Variants in MYO1D observed in about 807,000 individuals in gnomAD.
MYO1D encodes the protein unconventional myosin-Id.
In MYO1D, 83 loss-of-function variants were observed where a neutral mutation model predicts 122.0. The ratio of observed to expected loss-of-function variants is 0.68; its 90% confidence interval spans 0.57 to 0.82. MYO1D has a LOEUF of 0.82. MYO1D is among the 40% of genes least tolerant of loss of function. The pLI is 0.00. For synonymous variants in MYO1D, 464 were observed against 446.9 expected (o/e 1.04, Z -0.48); for missense variants, 1,157 against 1,269.5 (o/e 0.91, Z 1.35).
At chr17:32,801,181 TTTAC>T (rs1344979638) in intron 1 of MYO1D, among the ~76,000 whole-genome samples, 1 of 152,204 alleles carries the variant, frequency 6.6e-6, no homozygotes, top group African/African-American at 2.4e-5. Context: ...TTTACAAATC[TTTAC>T]TTAAACAAGT....
intron 21 of MYO1D, among the ~76,000 whole-genome samples, chr17:32,603,800 C>T (rs1234266450): frequency 6.6e-6 from 1 of 152,158 alleles, no homozygotes; most frequent in Non-Finnish European, 1.5e-5. Context: ...GCTGGGATTA[C>T]AGGCGTGAGC....
intron 21 of MYO1D, among the ~76,000 whole-genome samples, chr17:32,571,858 C>T (rs1252605915): frequency 2.6e-5 from 4 of 152,138 alleles, no homozygotes; most frequent in Admixed American, 6.5e-5. Context: ...GCAACAGTCC[C>T]TTAACCCACT....
intron 21 of MYO1D, among the ~76,000 whole-genome samples, chr17:32,557,705 G>A (rs562280093): frequency 6.6e-6 from 1 of 152,026 alleles, no homozygotes; most frequent in Admixed American, 6.5e-5. Flanking sequence ...GTTTCGCTCA[G>A]CAAAGTCTTT....
At chr17:32,557,623 A>T (rs1597896364) in intron 21 of MYO1D, among the ~76,000 whole-genome samples, 1 of 149,670 alleles carries the variant, frequency 6.7e-6, no homozygotes, top group Admixed American at 6.7e-5. Context: ...ACCCACCCTC[A>T]CCCCCATCCA....
intron 16 of MYO1D, among the ~76,000 whole-genome samples, chr17:32,697,965 C>T (rs1001591865): frequency 1.3e-5 from 2 of 152,174 alleles, no homozygotes; most frequent in African/African-American, 4.8e-5. Context: ...CACTATGGTA[C>T]AAAAGTGTAC....
intron 14 of MYO1D, among the ~76,000 whole-genome samples, chr17:32,726,261 A>G (rs980387597): frequency 6.6e-6 from 1 of 152,048 alleles, no homozygotes; most frequent in Admixed American, 6.6e-5. Flanking sequence ...TCTACCAAAA[A>G]ATACAAAAAT....
chr17:32,755,443 A>G (rs764610662), intron 11 of MYO1D, 49 bp downstream of exon 11: 39 of 1,569,918 alleles, frequency 2.5e-5, no homozygotes, highest in Non-Finnish European at 3.3e-5. Context: ...ATCAAACAAT[A>G]AGGAGAACCT....
chr17:32,683,558 G>A (rs2088956594), intron 16 of MYO1D, among the ~76,000 whole-genome samples: 1 of 152,026 alleles, frequency 6.6e-6, no homozygotes, highest in African/African-American at 2.4e-5. Context: ...CAGTTAGGCT[G>A]CTCGGGGGTC....
At chr17:32,552,022 G>T (rs758004540) in intron 21 of MYO1D, among the ~76,000 whole-genome samples, 1 of 152,202 alleles carries the variant, frequency 6.6e-6, no homozygotes, top group Non-Finnish European at 1.5e-5. Flanking sequence ...ACTATCCATA[G>T]CTAATGTCTT....
intron 20 of MYO1D, among the ~76,000 whole-genome samples, chr17:32,637,521 A>G (rs2088120154): frequency 6.6e-6 from 1 of 152,042 alleles, no homozygotes; most frequent in South Asian, 2.1e-4. Flanking sequence ...AAAAATACAA[A>G]ATACCTGGGC....
chr17:32,873,356 G>A (rs2091200069), intron 1 of MYO1D, among the ~76,000 whole-genome samples: 1 of 152,202 alleles, frequency 6.6e-6, no homozygotes, highest in African/African-American at 2.4e-5. Flanking sequence ...AGGGAGGACA[G>A]GACATTCCAG....
At chr17:32,607,894 T>C (rs1191027906) in intron 20 of MYO1D, among the ~76,000 whole-genome samples, 1 of 152,040 alleles carries the variant, frequency 6.6e-6, no homozygotes, top group Non-Finnish European at 1.5e-5. Flanking sequence ...GAAGAAAGGA[T>C]AATGTGGGCA....
At chr17:32,842,951 C>T (rs1390579112) in intron 1 of MYO1D, among the ~76,000 whole-genome samples, 15 of 144,620 alleles carry the variant, frequency 1.0e-4, no homozygotes, top group African/African-American at 3.8e-4. Flanking sequence ...TGCAGTGGCA[C>T]GATCTCAGCT....
intron 21 of MYO1D, among the ~76,000 whole-genome samples, chr17:32,548,845 C>T (rs2086987211): frequency 6.6e-6 from 1 of 151,426 alleles, no homozygotes; most frequent in African/African-American, 2.4e-5. Context: ...TCCCAAGTAG[C>T]TGGGATTACA....
At chr17:32,606,764 GT>G (rs1214083586) in intron 20 of MYO1D, among the ~76,000 whole-genome samples, 5 of 152,174 alleles carry the variant, frequency 3.3e-5, no homozygotes. Flanking sequence ...AGGACTGAAT[GT>G]TTTCCCTTAA....
At chr17:32,711,183 T>C (rs972647374) in intron 16 of MYO1D, among the ~76,000 whole-genome samples, 3 of 152,048 alleles carry the variant, frequency 2.0e-5, no homozygotes, top group Admixed American at 6.5e-5. Context: ...ATACATGAAT[T>C]AGTGAATGAA....
chr17:32,768,597 T>C (rs2090083991), intron 6 of MYO1D, among the ~76,000 whole-genome samples: 1 of 152,198 alleles, frequency 6.6e-6, no homozygotes, highest in Non-Finnish European at 1.5e-5. Flanking sequence ...CCTCTCTGCC[T>C]GGTGAGTACA....
In MYO1D at chr17:32,656,122, C is replaced by T. The variant is rs747564655; in HGVS notation, c.2346-1501G>A. Among the ~76,000 whole-genome samples, 25 of 152,218 alleles carry T rather than the reference C, an allele frequency of 1.6e-4. 1 individual carries two copies. Among genetic ancestry groups the T allele is most frequent in the Non-Finnish European group, 3.4e-4 (23 of 68,044 alleles). Reference sequence around the variant, plus strand: ...TAGCCCTGCACGATGCTTATATCCTCTCTTCTGCCACAGGAGCTTGAAGTA... The same window carrying T: ...TAGCCCTGCACGATGCTTATATCCTTTCTTCTGCCACAGGAGCTTGAAGTA... On this transcript the variant is annotated intron_variant, in intron 17 of 21. Coordinates refer to ENST00000318217, the MANE Select transcript of MYO1D (RefSeq NM_015194.3).
intron 16 of MYO1D, among the ~76,000 whole-genome samples, chr17:32,694,707 C>CAAAAAAAA (rs58606294): frequency 7.2e-5 from 4 of 55,918 alleles, no homozygotes; most frequent in African/African-American, 2.2e-4. Flanking sequence ...GACTCCGTCT[C>CAAAAAAAA]AAAAAAAAAA....
Sources: gnomAD v4.1 joint callset for allele counts (sites outside exome capture counted in the v4.1 genomes callset) on GRCh38, gnomAD v4.1.1 for gene constraint, MANE v1.5 for transcripts, NCBI Gene and HGNC (gene_info 2026-07-23, HGNC 2026-07-21) for gene names.